Variants in ZFAND3 observed in about 807,000 individuals in gnomAD.
The protein encoded by ZFAND3 is zinc finger AN1-type containing 3, also known as AN1-type zinc finger protein 3.
A neutral mutation model predicts 29.6 loss-of-function variants in ZFAND3; 10 were observed. The ratio of observed to expected loss-of-function variants is 0.34; its 90% CI spans 0.21 to 0.57. The LOEUF (loss-of-function observed/expected upper bound fraction) is 0.57, where lower values mean the gene tolerates loss of function less well. ZFAND3 is among the 20% of genes least tolerant of loss of function. The probability of loss-of-function intolerance (pLI) is 0.86; values close to 1 mark genes in which losing one functional copy is unlikely to be tolerated. For missense variants in ZFAND3, 230 were observed against 304.5 expected, an observed-to-expected ratio of 0.76 and a Z score of 1.82; for synonymous variants, 128 against 112.6, an observed-to-expected ratio of 1.14 and a Z score of -0.87.
rs374723353 is a variant in ZFAND3, at chr6:37,820,317, G to A, written c.71+301G>A. Among the ~76,000 whole-genome samples, 73 of 152,334 alleles carry A rather than the reference G, an allele frequency of 4.8e-4. 1 individual carries two copies. Among genetic ancestry groups the A allele is most frequent in the African/African-American group, 9.9e-4 (41 of 41,582 alleles). On this transcript the variant is annotated intron_variant, in intron 1 of 5. Coordinates refer to ENST00000287218, the MANE Select transcript of ZFAND3 (RefSeq NM_021943.3). The stretch of plus-strand genomic sequence containing the variant: ...GGGGCAGGGCGGCGGGGAGGGATGA[G>A]GGGGCGGCGTTGACCGCTCCGGGAG...
chr6:38,111,740 T>C (rs1161266365), intron 4 of ZFAND3, among the ~76,000 whole-genome samples: 1 of 152,208 alleles, frequency 6.6e-6, no homozygotes, highest in African/African-American at 2.4e-5. Context: ...GTGTTATCAG[T>C]GAGACTTCTG....
chr6:38,124,626 A>G (rs1186866361), intron 5 of ZFAND3, among the ~76,000 whole-genome samples: 1 of 152,182 alleles, frequency 6.6e-6, no homozygotes, highest in Non-Finnish European at 1.5e-5. Flanking sequence ...GGGGCCCGCC[A>G]AGCCCATGCC....
chr6:37,980,884 C>T, intron 2 of ZFAND3, among the ~76,000 whole-genome samples: 1 of 152,158 alleles, frequency 6.6e-6, no homozygotes, highest in Admixed American at 6.5e-5. Flanking sequence ...TTCCCTGCTG[C>T]AATATTAAAA....
chr6:38,049,686 CAGTT>C (rs781447913), intron 2 of ZFAND3, among the ~76,000 whole-genome samples: 19 of 152,144 alleles, frequency 1.2e-4, no homozygotes, highest in Non-Finnish European at 2.1e-4. Context: ...AAAAATTAGT[CAGTT>C]AGCCCTAATC....
rs376720074 is a variant in ZFAND3, at chr6:38,124,811, G to A, written c.529+8072G>A. ...AGGGCTCCCTGAGCATGGCCAGAGC[G>A]GACGCTGAGGCCGAGGAGGCGCCAA... On this transcript the variant is annotated intron_variant, in intron 5 of 5. Coordinates refer to ENST00000287218, the MANE Select transcript of ZFAND3 (RefSeq NM_021943.3). Among the ~76,000 whole-genome samples, 134 of 152,358 alleles carry A rather than the reference G, an allele frequency of 8.8e-4. 2 individuals are homozygous for A. The East Asian group carries it at 0.021, about 24-fold the overall frequency.
chr6:38,139,008 AG>A (rs1281112315), intron 5 of ZFAND3, among the ~76,000 whole-genome samples: 1 of 152,238 alleles, frequency 6.6e-6, no homozygotes, highest in African/African-American at 2.4e-5. Context: ...AAAATGCAGG[AG>A]GACGTGATGC....
intron 1 of ZFAND3, among the ~76,000 whole-genome samples, chr6:37,894,497 G>GTA (rs1765160440): frequency 6.6e-6 from 1 of 151,812 alleles, no homozygotes; most frequent in Non-Finnish European, 1.5e-5. Flanking sequence ...AACCTCCAGA[G>GTA]TAGCTAGGAC....
At chr6:37,969,294 A>G (rs1762343662) in intron 2 of ZFAND3, among the ~76,000 whole-genome samples, 1 of 152,242 alleles carries the variant, frequency 6.6e-6, no homozygotes, top group Admixed American at 6.5e-5. Context: ...GGGGAATCAA[A>G]TACAGATGCT....
At chr6:38,027,350 C>T (rs1460871872) in intron 2 of ZFAND3, among the ~76,000 whole-genome samples, 2 of 152,216 alleles carry the variant, frequency 1.3e-5, no homozygotes, top group Admixed American at 1.3e-4. Context: ...TTTATGGAAT[C>T]TTTAAGGTCC....
intron 1 of ZFAND3, among the ~76,000 whole-genome samples, chr6:37,904,955 A>G (rs1561928790): frequency 6.6e-6 from 1 of 152,176 alleles, no homozygotes; most frequent in Admixed American, 6.5e-5. Flanking sequence ...CATATAATAC[A>G]TTTATGTGTA....
chr6:38,138,823 G>T (rs1330258954), intron 5 of ZFAND3, among the ~76,000 whole-genome samples: 2 of 152,210 alleles, frequency 1.3e-5, no homozygotes, highest in African/African-American at 4.8e-5. Context: ...ATGAAGAGTT[G>T]TTTCAAACAT....
At chr6:37,946,775 A>G (rs1032369787) in intron 2 of ZFAND3, among the ~76,000 whole-genome samples, 2 of 152,230 alleles carry the variant, frequency 1.3e-5, no homozygotes, top group Non-Finnish European at 2.9e-5. Context: ...GAAATAAGCC[A>G]GTCACAAAAA....
chr6:37,907,029 T>C (rs1231093984), intron 1 of ZFAND3, among the ~76,000 whole-genome samples: 6 of 151,202 alleles, frequency 4.0e-5, no homozygotes, highest in Non-Finnish European at 8.9e-5. Context: ...AAGTAAACTT[T>C]TATTGGATGC....
intron 1 of ZFAND3, among the ~76,000 whole-genome samples, chr6:37,859,865 T>TG: frequency 6.8e-6 from 1 of 148,110 alleles, no homozygotes; most frequent in East Asian, 1.9e-4. Flanking sequence ...GGAGTGGGTT[T>TG]TTTTTTTTTT....
intron 1 of ZFAND3, among the ~76,000 whole-genome samples, chr6:37,894,408 G>A (rs935561926): frequency 1.0e-4 from 15 of 147,154 alleles, no homozygotes; most frequent in Non-Finnish European, 1.9e-4. Flanking sequence ...TAAGTCTGTT[G>A]CCCAGGTTGG....
At chr6:37,924,404 A>T (rs1395451094) in intron 1 of ZFAND3, among the ~76,000 whole-genome samples, 1 of 151,998 alleles carries the variant, frequency 6.6e-6, no homozygotes, top group African/African-American at 2.4e-5. Context: ...TTAAATACCA[A>T]CCAAGAGTGA....
In ZFAND3 at chr6:37,879,081, A is replaced by G. The variant is rs115729806; in HGVS notation, c.72-50878A>G. Among the ~76,000 whole-genome samples, 13 of 152,326 alleles carry G rather than the reference A, an allele frequency of 8.5e-5. 1 individual carries two copies. In the East Asian group the frequency reaches 2.5e-3, roughly 29 times the overall value. On this transcript the variant is annotated intron_variant, in intron 1 of 5. Transcript: ENST00000287218. ...ATCCCCAACCCGTATGTAGTTGAGT[A>G]TTAGCCAAAGTAAATTGATTTTTCT...
At chr6:37,970,453 A>G (rs1762366471) in intron 2 of ZFAND3, among the ~76,000 whole-genome samples, 1 of 152,148 alleles carries the variant, frequency 6.6e-6, no homozygotes, top group Admixed American at 6.5e-5. Flanking sequence ...CATTCTAGGG[A>G]CTAAGTATTG....
Position 37,819,836 on chromosome 6 carries a change from TCCCCCCG to T in ZFAND3, c.-105_-99del. 3.6e-6 allele frequency: 1 copy of T among 277,660 alleles called. No individual in the cohort carries two copies. Among genetic ancestry groups the T allele is most frequent in the Non-Finnish European group, 5.5e-6 (1 of 182,318 alleles). The allele number at this position is 277,660 out of a possible 1,614,324, so 17.2% of individuals were successfully genotyped here. ...CGCCCGCGCGCCCGCTCCTTCCCCC[TCCCCCCG>T]CCCCGAGCCCCCCGACGCCGCCGCC... On this transcript the variant is annotated 5_prime_UTR_variant, in exon 1 of 6. Transcript: ENST00000287218.
Sources: allele counts gnomAD v4.1 joint callset (sites outside exome capture counted in the v4.1 genomes callset), GRCh38; gene constraint gnomAD v4.1.1; transcripts MANE v1.5; gene names NCBI Gene and HGNC (gene_info 2026-07-23, HGNC 2026-07-21).